Variants in SCG5 observed in about 807,000 individuals in gnomAD.
The protein encoded by SCG5 is secretogranin V.
A neutral mutation model predicts 25.7 loss-of-function variants in SCG5; 18 were observed. The ratio of observed to expected loss-of-function variants is 0.70; its 90% confidence interval spans 0.48 to 1.04. SCG5 has a LOEUF of 1.04. Among genes scored for constraint, SCG5 ranks in the 50% least tolerant of loss-of-function variants. The probability of loss-of-function intolerance (pLI) is 0.00; values close to 1 mark genes in which losing one functional copy is unlikely to be tolerated. For synonymous variants in SCG5, 101 were observed against 91.7 expected (o/e 1.10, Z -0.58); for missense variants, 206 against 259.8 (o/e 0.79, Z 1.42).
At chr15:32,672,405 A>G (rs1427232188) in intron 2 of SCG5, among the ~76,000 whole-genome samples, 1 of 152,236 alleles carries the variant, frequency 6.6e-6, no homozygotes, top group Non-Finnish European at 1.5e-5. Flanking sequence ...GTTGTGTGGC[A>G]GAGTCTGGAG....
chr15:32,696,185 T>C (rs1234476755), intron 5 of SCG5, among the ~76,000 whole-genome samples: 1 of 152,104 alleles, frequency 6.6e-6, no homozygotes, highest in Admixed American at 6.5e-5. Flanking sequence ...TGGCATGACG[T>C]CTGCTCACTG....
intron 2 of SCG5, among the ~76,000 whole-genome samples, chr15:32,678,486 A>T (rs2054565503): frequency 6.6e-6 from 1 of 152,248 alleles, no homozygotes; most frequent in Admixed American, 6.5e-5. Flanking sequence ...CAGTAATTTT[A>T]AAAAATTTGA....
intron 2 of SCG5, among the ~76,000 whole-genome samples, chr15:32,678,978 TAGC>T: frequency 6.6e-6 from 1 of 152,234 alleles, no homozygotes. Context: ...TGAGCTAAAA[TAGC>T]AGGATAACAG....
At chr15:32,664,628 C>T (rs1254030086) in intron 2 of SCG5, among the ~76,000 whole-genome samples, 1 of 152,196 alleles carries the variant, frequency 6.6e-6, no homozygotes, top group Admixed American at 6.5e-5. Context: ...TGGAAGCAGT[C>T]TGCGCCCATG....
chr15:32,695,536 A>G (rs572819596), intron 5 of SCG5, among the ~76,000 whole-genome samples: 2 of 152,166 alleles, frequency 1.3e-5, no homozygotes, highest in Admixed American at 1.3e-4. Context: ...ATTTCAGAGT[A>G]TGGAGTCTTG....
chr15:32,647,631 T>A (rs2053965017), intron 2 of SCG5, among the ~76,000 whole-genome samples: 1 of 152,188 alleles, frequency 6.6e-6, no homozygotes, highest in Non-Finnish European at 1.5e-5. Context: ...ATTGTACTTC[T>A]TCACCTCTCA....
At chr15:32,645,980 G>A (rs1352719161) in intron 2 of SCG5, among the ~76,000 whole-genome samples, 4 of 151,996 alleles carry the variant, frequency 2.6e-5, no homozygotes, top group African/African-American at 4.8e-5. Flanking sequence ...CACCACGCCC[G>A]GCTAATTTTT....
chr15:32,679,914 A>G lies in SCG5; in HGVS notation c.375A>G (p.Thr125=), dbSNP rs780578484. ...CAAATCCCTGTCCTGTTGGAAAAAC[A>G]GGTAACAGATATGCCTTTGGGTTCC... ...DPPNPCPVGK[T]ADDGCLENTP... The change falls in exon 3 of 6, where the codon ACA becomes ACG. Residue 125 remains threonine, a splice_region_variant and synonymous_variant. Coordinates refer to ENST00000300175, the MANE Select transcript of SCG5 (RefSeq NM_001144757.3). 6.2e-7 allele frequency: 1 copy of G among 1,609,184 alleles called. No homozygotes were observed.
intron 3 of SCG5, 60 bp from the exon 4 acceptor site, chr15:32,684,497 A>G: frequency 1.9e-6 from 2 of 1,069,236 alleles, no homozygotes; most frequent in Non-Finnish European, 2.8e-6. Context: ...TTGATAAATT[A>G]ACTCTTAGAA....
intron 3 of SCG5, among the ~76,000 whole-genome samples, chr15:32,684,167 G>A (rs1291736170): frequency 6.6e-6 from 1 of 152,186 alleles, no homozygotes; most frequent in African/African-American, 2.4e-5. Context: ...AGCATGGTAT[G>A]AGAGGTTTTT....
chr15:32,663,070 TATATATATA>T lies in SCG5; in HGVS notation c.227-16688_227-16680del, dbSNP rs2054258806. On this transcript the variant is annotated intron_variant, in intron 2 of 5. Coordinates refer to ENST00000300175, the MANE Select transcript of SCG5 (RefSeq NM_001144757.3). The stretch of plus-strand genomic sequence containing the variant: ...ATATATATATATATATATATATATA[TATATATATA>T]ATATATAATATGTTATATATACACA... Among the ~76,000 whole-genome samples, 11 of 57,224 alleles carry T rather than the reference TATATATATA, an allele frequency of 1.9e-4. 1 individual carries two copies. Among genetic ancestry groups the T allele is most frequent in the East Asian group, 1.9e-3 (4 of 2,090 alleles). The allele number at this position is 57,224 out of a possible 152,430, so 37.5% of individuals were successfully genotyped here. A position where few individuals can be genotyped will look rare whatever the true frequency, so the allele number is the denominator to read the frequency against.
intron 3 of SCG5, chr15:32,684,354 T>A (rs1210665283): frequency 1.9e-6 from 1 of 531,080 alleles, no homozygotes; most frequent in Non-Finnish European, 3.3e-6. Flanking sequence ...GAACAGCCAG[T>A]GAGTCTCTGC....
chr15:32,684,377 G>A (rs1442075709), intron 3 of SCG5, 180 bp from the exon 4 acceptor site: 13 of 585,006 alleles, frequency 2.2e-5, no homozygotes, highest in Non-Finnish European at 4.0e-5. Context: ...AGGAGTGGGA[G>A]TTTGAGATGA....
At chr15:32,668,797 T>G (rs1310289553) in intron 2 of SCG5, among the ~76,000 whole-genome samples, 1 of 152,244 alleles carries the variant, frequency 6.6e-6, no homozygotes, top group Admixed American at 6.5e-5. Flanking sequence ...TAATGTCATC[T>G]GTTGGCTCAG....
At chr15:32,648,751 A>G (rs556372341) in intron 2 of SCG5, among the ~76,000 whole-genome samples, 2 of 145,624 alleles carry the variant, frequency 1.4e-5, no homozygotes, top group African/African-American at 5.1e-5. Flanking sequence ...GCACCCCCCT[A>G]CATTCTCTGT....
chr15:32,652,457 T>C (rs759576152), intron 2 of SCG5, among the ~76,000 whole-genome samples: 2 of 152,164 alleles, frequency 1.3e-5, no homozygotes, highest in South Asian at 2.1e-4. Flanking sequence ...TTGAACTTGC[T>C]GAAGTGCTAA....
chr15:32,674,755 C>T (rs2054502143), intron 2 of SCG5, among the ~76,000 whole-genome samples: 1 of 152,212 alleles, frequency 6.6e-6, no homozygotes, highest in Non-Finnish European at 1.5e-5. Context: ...ACCAGGTCAA[C>T]TTCCCAGCTG....
chr15:32,694,627 A>C lies in SCG5; in HGVS notation c.544-1887A>C, dbSNP rs189709529. Among the ~76,000 whole-genome samples, 67 of 152,362 alleles carry C rather than the reference A, an allele frequency of 4.4e-4. 1 individual carries two copies. Among genetic ancestry groups the C allele is most frequent in the Non-Finnish European group, 9.6e-4 (65 of 68,042 alleles). ...CCCCTGGGGTAGGCCAAACCACTGT[A>C]ATTGATAAAAGGAATTTTTATTATT... On this transcript the variant is annotated intron_variant, in intron 5 of 5. Coordinates refer to ENST00000300175, the MANE Select transcript of SCG5 (RefSeq NM_001144757.3).
rs2054669853 is a variant in SCG5 at position 32,684,505 on chromosome 15, G to A, written c.377-52G>A. On this transcript the variant is annotated intron_variant, in intron 3 of 5. Transcript: ENST00000300175. ...GTTGTTTTTGATAAATTAACTCTTA[G>A]AATAATGATGAATGTCTTGGCCGTT... The A allele has an allele frequency of 1.2e-5, 13 of 1,128,502 alleles. No individual in the cohort carries two copies. In the South Asian group the frequency reaches 1.7e-4, roughly 15 times the overall value. 69.9% of individuals were successfully genotyped at this position (1,128,502 alleles called of 1,614,324 possible). A position where few individuals can be genotyped will look rare whatever the true frequency, so the allele number is the denominator to read the frequency against.
Sources: allele counts gnomAD v4.1 joint callset (sites outside exome capture counted in the v4.1 genomes callset), GRCh38; gene constraint gnomAD v4.1.1; transcripts MANE v1.5; gene names NCBI Gene and HGNC (gene_info 2026-07-23, HGNC 2026-07-21).